Variants in TMEM132D observed in about 807,000 individuals in gnomAD.
TMEM132D encodes the protein mature OL transmembrane protein.
Under a neutral mutation model 62.3 loss-of-function variants are expected in TMEM132D, and 21 were observed. The ratio of observed to expected loss-of-function variants is 0.34; its 90% CI spans 0.24 to 0.49. TMEM132D has a LOEUF of 0.49. TMEM132D is among the 20% of genes least tolerant of loss of function. The probability of loss-of-function intolerance (pLI) is 0.99; values close to 1 mark genes in which losing one functional copy is unlikely to be tolerated. For synonymous variants in TMEM132D, 621 were observed against 575.6 expected, an observed-to-expected ratio of 1.08 and a Z score of -1.13; for missense variants, 1,346 against 1,402.8, an observed-to-expected ratio of 0.96 and a Z score of 0.65.
At chr12:129,647,799 G>A (rs1161862531) in intron 2 of TMEM132D, among the ~76,000 whole-genome samples, 2 of 152,030 alleles carry the variant, frequency 1.3e-5, no homozygotes, top group Admixed American at 1.3e-4. Flanking sequence ...AGATCTTTAA[G>A]CATCCTGGGT....
At chr12:129,225,264 T>C (rs1410105557) in intron 4 of TMEM132D, among the ~76,000 whole-genome samples, 3 of 152,244 alleles carry the variant, frequency 2.0e-5, no homozygotes, top group Non-Finnish European at 4.4e-5. Context: ...ATTGTTGGCG[T>C]CATCCACGCT....
At chr12:129,633,421 A>T (rs1239811894) in intron 2 of TMEM132D, among the ~76,000 whole-genome samples, 1 of 152,318 alleles carries the variant, frequency 6.6e-6, no homozygotes, top group South Asian at 2.1e-4. Flanking sequence ...CAGCTTTCTT[A>T]TATGTCACCT....
intron 2 of TMEM132D, among the ~76,000 whole-genome samples, chr12:129,547,232 G>T (rs138509174): frequency 1.5e-3 from 231 of 152,106 alleles, no homozygotes; most frequent in Middle Eastern, 0.01. Flanking sequence ...GTCTTCACGG[G>T]GCCTTCCTTT....
At chr12:129,898,192 A>G (rs1875212557) in intron 1 of TMEM132D, among the ~76,000 whole-genome samples, 1 of 152,220 alleles carries the variant, frequency 6.6e-6, no homozygotes, top group Non-Finnish European at 1.5e-5. Context: ...ATTACTGGAA[A>G]AGGCAGCATC....
intron 3 of TMEM132D, among the ~76,000 whole-genome samples, chr12:129,372,344 A>G (rs1412123873): frequency 6.6e-6 from 1 of 152,170 alleles, no homozygotes; most frequent in African/African-American, 2.4e-5. Flanking sequence ...CTGGGCCACA[A>G]GGTAAGAGGT....
chr12:129,526,581 C>T (rs562281968), intron 3 of TMEM132D, among the ~76,000 whole-genome samples: 6 of 152,342 alleles, frequency 3.9e-5, no homozygotes, highest in Non-Finnish European at 8.8e-5. Context: ...CCACTCCCAG[C>T]CTCTTCTTTC....
chr12:129,263,800 T>G (rs1486385875), intron 4 of TMEM132D, among the ~76,000 whole-genome samples: 4 of 152,066 alleles, frequency 2.6e-5, no homozygotes, highest in African/African-American at 9.7e-5. Flanking sequence ...GAAAGACACC[T>G]GCAGTCAGGG....
intron 2 of TMEM132D, among the ~76,000 whole-genome samples, chr12:129,583,683 T>TG (rs984785448): frequency 2.6e-4 from 39 of 151,984 alleles, no homozygotes; most frequent in African/African-American, 7.5e-4. Flanking sequence ...GAAAGACCCG[T>TG]GGGGGGTGAG....
chr12:129,074,846 A>C lies in TMEM132D; in HGVS notation c.2329T>G (p.Cys777Gly). 6.2e-7 allele frequency: 1 copy of C among 1,614,040 alleles called. No individual in the cohort carries two copies. The highest frequency in any genetic ancestry group is 8.5e-7 in the Non-Finnish European group (1 of 1,180,020). The stretch of plus-strand genomic sequence containing the variant: ...ACACTCTTCCGCTTGGATTTCTGGC[A>C]GGATTCACTAATAACCATTTCCACC... ...VKVEMVISES[C>G]QKSKRKSVLA... Residue 777 changes from cysteine to glycine, a missense_variant, in exon 9 of 9, where the codon TGC becomes GGC. Coordinates refer to ENST00000422113, the MANE Select transcript of TMEM132D (RefSeq NM_133448.3).
chr12:129,899,353 GGGAT>G lies in TMEM132D; in HGVS notation c.79+3904_79+3907del, dbSNP rs1195659431. ...GATGGATGGATGGATGATGGATGGAGGGATGGATGGATGGATGGACTGGTAGATG... is the reference window on the plus strand; with the variant it reads ...GATGGATGGATGGATGATGGATGGAGGGATGGATGGATGGACTGGTAGATG... On this transcript the variant is annotated intron_variant, in intron 1 of 8. Coordinates refer to ENST00000422113, the MANE Select transcript of TMEM132D (RefSeq NM_133448.3). Among the ~76,000 whole-genome samples the G allele has an allele frequency of 1.2e-4, 15 of 129,704 alleles. 1 individual carries two copies. The highest frequency in any genetic ancestry group is 3.0e-4 in the Admixed American group (4 of 13,506). The allele number at this position is 129,704 out of a possible 152,430, so 85.1% of individuals were successfully genotyped here.
Position 129,088,808 on chromosome 12 carries a change from CCTG to C in TMEM132D, c.1444-4109_1444-4107del, listed in dbSNP as rs769916311. On this transcript the variant is annotated intron_variant, in intron 5 of 8. Transcript: ENST00000422113. The stretch of plus-strand genomic sequence containing the variant: ...GTGTCCTCCATGACCGGGTGTCCTC[CCTG>C]ACCGGGTGTCCTCCATGACCGGGAT... 3.6e-3 allele frequency among the ~76,000 whole-genome samples: 180 copies of C among 49,374 alleles called. 56 individuals are homozygous for C. The highest frequency in any genetic ancestry group is 5.1e-3 in the Non-Finnish European group (126 of 24,904). The allele number at this position is 49,374 out of a possible 152,430, so 32.4% of individuals were successfully genotyped here.
intron 5 of TMEM132D, among the ~76,000 whole-genome samples, chr12:129,182,768 C>A (rs1215718658): frequency 1.3e-5 from 2 of 152,232 alleles, no homozygotes; most frequent in Non-Finnish European, 2.9e-5. Flanking sequence ...ATAAAATTAA[C>A]TAACACAAGG....
chr12:129,542,661 G>A (rs1346705474), intron 2 of TMEM132D, among the ~76,000 whole-genome samples: 1 of 152,030 alleles, frequency 6.6e-6, no homozygotes, highest in Admixed American at 6.6e-5. Flanking sequence ...ACAACACGCT[G>A]TACACACAGT....
chr12:129,165,074 G>A (rs969367759), intron 5 of TMEM132D, among the ~76,000 whole-genome samples: 1 of 152,194 alleles, frequency 6.6e-6, no homozygotes, highest in Non-Finnish European at 1.5e-5. Flanking sequence ...AAAATAACAT[G>A]AGAGAATCTC....
At chr12:129,150,653 T>C in intron 5 of TMEM132D, among the ~76,000 whole-genome samples, 1 of 152,196 alleles carries the variant, frequency 6.6e-6, no homozygotes, top group East Asian at 1.9e-4. Flanking sequence ...CCAGAGCTTG[T>C]GCTCCTGACC....
intron 3 of TMEM132D, among the ~76,000 whole-genome samples, chr12:129,453,143 T>C (rs753529656): frequency 6.6e-6 from 1 of 152,182 alleles, no homozygotes; most frequent in Non-Finnish European, 1.5e-5. Flanking sequence ...TAATGATAAA[T>C]GTAGTGTGCT....
intron 4 of TMEM132D, among the ~76,000 whole-genome samples, chr12:129,228,712 G>A (rs1879550886): frequency 6.6e-6 from 1 of 152,102 alleles, no homozygotes; most frequent in African/African-American, 2.4e-5. Flanking sequence ...TTTCACAGCT[G>A]AATAATACTC....
Position 129,867,029 on chromosome 12 carries a change from C to T in TMEM132D, c.79+36232G>A, listed in dbSNP as rs1198444635. ...TTGCGAAGCTGAGGCAGGCAGATGGCCTGAGCTCAGGAGTTGGAGACCAGA... is the reference window on the plus strand; with the variant it reads ...TTGCGAAGCTGAGGCAGGCAGATGGTCTGAGCTCAGGAGTTGGAGACCAGA... On this transcript the variant is annotated intron_variant, in intron 1 of 8. Transcript: ENST00000422113. This position sits in a 1 kb window ranked among gnomAD's most constrained non-coding sequence, Gnocchi z 4.5. 2.0e-5 allele frequency among the ~76,000 whole-genome samples: 3 copies of T among 152,018 alleles called. No individual in the cohort carries two copies. The highest frequency in any genetic ancestry group is 4.4e-5 in the Non-Finnish European group (3 of 68,022).
chr12:129,399,783 T>C (rs12422805), intron 3 of TMEM132D, among the ~76,000 whole-genome samples: 39,609 of 152,008 alleles, frequency 0.26, 5,405 homozygotes, highest in South Asian at 0.41. Context: ...GGAATTAACA[T>C]ATATTGCAAA....
Sources: allele counts gnomAD v4.1 joint callset (sites outside exome capture counted in the v4.1 genomes callset), GRCh38; gene constraint gnomAD v4.1.1; non-coding constraint Gnocchi (gnomAD v3.1); transcripts MANE v1.5; gene names NCBI Gene and HGNC (gene_info 2026-07-23, HGNC 2026-07-21).